DLGAP2: variants seen among roughly 807,000 people sequenced by gnomAD.
The protein encoded by DLGAP2 is DLG associated protein 2.
Under a neutral mutation model 100.3 loss-of-function variants are expected in DLGAP2, and 26 were observed. The observed-to-expected ratio is 0.26, with a 90% CI of 0.19 to 0.36. DLGAP2 has a LOEUF of 0.36. Among genes scored for constraint, DLGAP2 ranks in the 10% least tolerant of loss-of-function variants. DLGAP2 has a pLI of 1.00. For synonymous variants in DLGAP2, 886 were observed against 630.1 expected, an observed-to-expected ratio of 1.41 and a Z score of -6.08; for missense variants, 1,858 against 1,453.2, an observed-to-expected ratio of 1.28 and a Z score of -4.53.
chr8:977,789 A>G (rs1332164640), intron 2 of DLGAP2, among the ~76,000 whole-genome samples: 26 of 116,092 alleles, frequency 2.2e-4, no homozygotes, highest in African/African-American at 8.1e-4. Context: ...GGCGTCGGGG[A>G]TGCAGTGAGG....
At chr8:765,003 A>G (rs1038561369) in intron 1 of DLGAP2, among the ~76,000 whole-genome samples, 3 of 152,238 alleles carry the variant, frequency 2.0e-5, no homozygotes, top group African/African-American at 7.2e-5. Flanking sequence ...ATTGACAGTG[A>G]CTAGTGGTAG....
At chr8:1,515,395 C>A (rs1800333464) in intron 4 of DLGAP2, among the ~76,000 whole-genome samples, 1 of 152,150 alleles carries the variant, frequency 6.6e-6, no homozygotes, top group South Asian at 2.1e-4. Flanking sequence ...CATGAACACA[C>A]AGGCATGCAC....
intron 2 of DLGAP2, among the ~76,000 whole-genome samples, chr8:1,200,431 C>G (rs938610555): frequency 6.6e-6 from 1 of 152,226 alleles, no homozygotes; most frequent in Admixed American, 6.5e-5. Flanking sequence ...TGAAATGATT[C>G]ATGGTGTTTC....
Position 1,538,864 on chromosome 8 carries a change from G to A in DLGAP2, c.173-9762G>A, listed in dbSNP as rs144604430. On this transcript the variant is annotated intron_variant, in intron 4 of 14. Coordinates refer to ENST00000637795, the MANE Select transcript of DLGAP2 (RefSeq NM_001346810.2). Reference sequence around the variant, plus strand: ...CCCACCCTGAGGCACAGCCCCTCGTGTCATGACAGCTGTCACTCATCTTTT... The same window carrying A: ...CCCACCCTGAGGCACAGCCCCTCGTATCATGACAGCTGTCACTCATCTTTT... 5.2e-3 allele frequency among the ~76,000 whole-genome samples: 773 copies of A among 149,534 alleles called. 3 individuals carry two copies. The highest frequency in any genetic ancestry group is 6.0e-3 in the Non-Finnish European group (407 of 67,704).
At chr8:1,207,819 G>C (rs1259596690) in intron 2 of DLGAP2, among the ~76,000 whole-genome samples, 2 of 152,078 alleles carry the variant, frequency 1.3e-5, no homozygotes, top group Non-Finnish European at 2.9e-5. Flanking sequence ...GATAATTAAT[G>C]ATGTTGAGCA....
intron 6 of DLGAP2, among the ~76,000 whole-genome samples, chr8:1,619,039 T>C (rs990114439): frequency 6.6e-6 from 1 of 152,186 alleles, no homozygotes. Flanking sequence ...TTAAATTCTG[T>C]TCATTAAAAG....
intron 6 of DLGAP2, among the ~76,000 whole-genome samples, chr8:1,598,103 C>T (rs1272941912): frequency 6.6e-6 from 1 of 152,194 alleles, no homozygotes; most frequent in Non-Finnish European, 1.5e-5. Flanking sequence ...CAGGCCTTCT[C>T]TACATCTGTT....
At chr8:1,596,368 A>T (rs1382144697) in intron 6 of DLGAP2, among the ~76,000 whole-genome samples, 1 of 152,194 alleles carries the variant, frequency 6.6e-6, no homozygotes, top group African/African-American at 2.4e-5. Flanking sequence ...AATGATTTGT[A>T]ATCCTTTGGG....
chr8:795,178 T>C (rs1233956901), intron 1 of DLGAP2, among the ~76,000 whole-genome samples: 1 of 152,216 alleles, frequency 6.6e-6, no homozygotes, highest in African/African-American at 2.4e-5. Context: ...ACTGAACCCT[T>C]GCTCCTGAAG....
At chr8:1,659,174 G>T (rs535697647) in intron 8 of DLGAP2, among the ~76,000 whole-genome samples, 27 of 152,304 alleles carry the variant, frequency 1.8e-4, no homozygotes, top group African/African-American at 6.3e-4. Context: ...TTAATCCTGA[G>T]TTCTAATTTG....
At chr8:1,011,839 G>A (rs1404950270) in intron 2 of DLGAP2, among the ~76,000 whole-genome samples, 2 of 152,236 alleles carry the variant, frequency 1.3e-5, no homozygotes, top group Non-Finnish European at 2.9e-5. Flanking sequence ...CTGGGCGAGG[G>A]TGTCAGTCTG....
At chr8:904,019 C>G (rs980447951) in intron 1 of DLGAP2, among the ~76,000 whole-genome samples, 1 of 152,190 alleles carries the variant, frequency 6.6e-6, no homozygotes, top group Non-Finnish European at 1.5e-5. Context: ...CACACGCGGT[C>G]CAGGCCCTGA....
intron 6 of DLGAP2, among the ~76,000 whole-genome samples, chr8:1,591,605 G>T (rs1021407533): frequency 6.6e-6 from 1 of 152,104 alleles, no homozygotes; most frequent in East Asian, 1.9e-4. Flanking sequence ...GACTCACTGT[G>T]GGTAAAATGA....
At chr8:1,098,536 G>A (rs1324843110) in intron 2 of DLGAP2, among the ~76,000 whole-genome samples, 1 of 152,000 alleles carries the variant, frequency 6.6e-6, no homozygotes, top group African/African-American at 2.4e-5. Context: ...GGGAGGACAG[G>A]CACAGCGGGC....
At chr8:1,686,832 G>A (rs934080176) in intron 12 of DLGAP2, among the ~76,000 whole-genome samples, 3 of 152,160 alleles carry the variant, frequency 2.0e-5, no homozygotes, top group African/African-American at 4.8e-5. Flanking sequence ...AGAAAACATG[G>A]TTAATAATGT....
At chr8:864,069 G>A (rs1797444422) in intron 1 of DLGAP2, among the ~76,000 whole-genome samples, 1 of 152,200 alleles carries the variant, frequency 6.6e-6, no homozygotes, top group Non-Finnish European at 1.5e-5. Context: ...CCCAGAGGAC[G>A]CTTTGCTAAG....
At chr8:1,299,509 C>T (rs746493854) in intron 3 of DLGAP2, among the ~76,000 whole-genome samples, 14 of 152,160 alleles carry the variant, frequency 9.2e-5, no homozygotes, top group Non-Finnish European at 1.6e-4. Flanking sequence ...TGAGCATAAA[C>T]GCATAGGGAG....
chr8:1,203,655 G>A (rs184598566), intron 2 of DLGAP2, among the ~76,000 whole-genome samples: 1 of 152,328 alleles, frequency 6.6e-6, no homozygotes, highest in Non-Finnish European at 1.5e-5. Context: ...TCAAGGAATG[G>A]ATGACGGTGC....
chr8:1,047,863 G>T (rs145616885), intron 2 of DLGAP2, among the ~76,000 whole-genome samples: 1 of 152,128 alleles, frequency 6.6e-6, no homozygotes, highest in Admixed American at 6.5e-5. Context: ...TCAATCTATC[G>T]CAGCATCCTT....
Sources: gnomAD v4.1 joint callset for allele counts (sites outside exome capture counted in the v4.1 genomes callset) on GRCh38, gnomAD v4.1.1 for gene constraint, MANE v1.5 for transcripts, NCBI Gene and HGNC (gene_info 2026-07-23, HGNC 2026-07-21) for gene names.